The following PCDHGA7 variants were observed in gnomAD, a reference collection of about 807,000 sequenced individuals.
PCDHGA7 encodes protocadherin gamma-A7.
In PCDHGA7, 44 loss-of-function variants were observed where a neutral mutation model predicts 58.3. The observed-to-expected ratio is 0.75, with a 90% CI of 0.59 to 0.97. The LOEUF is 0.97. PCDHGA7 is among the 50% of genes least tolerant of loss of function. The pLI is 0.00. For missense variants in PCDHGA7, 1,266 were observed against 1,188.7 expected (o/e 1.06, Z -0.96); for synonymous variants, 516 against 504.2 (o/e 1.02, Z -0.31).
intron 1 of PCDHGA7, chr5:141,408,721 C>T (rs994778084): frequency 6.2e-7 from 1 of 1,611,372 alleles, no homozygotes; most frequent in Non-Finnish European, 8.5e-7. Flanking sequence ...ATAAGATAAA[C>T]TCTAATCCTT....
chr5:141,499,565 C>CTTATCTTGT (rs2099792732), intron 2 of PCDHGA7, among the ~76,000 whole-genome samples: 2 of 152,168 alleles, frequency 1.3e-5, no homozygotes, highest in Non-Finnish European at 2.9e-5. Flanking sequence ...CACTATCCAG[C>CTTATCTTGT]TTCAACTAAT....
chr5:141,471,404 TTA>T (rs1320685792), intron 1 of PCDHGA7: 3 of 152,170 alleles, frequency 2.0e-5, no homozygotes, highest in Non-Finnish European at 4.4e-5. Flanking sequence ...GTAGCTAGGC[TTA>T]GTTATGTTTT....
chr5:141,390,354 A>C (rs1031121162), intron 1 of PCDHGA7: 21 of 1,553,066 alleles, frequency 1.4e-5, no homozygotes, highest in Non-Finnish European at 1.6e-5. Context: ...AAATATACAT[A>C]TTTGCAGGAA....
At chr5:141,419,939 G>GTGGCCT (rs780963377) in intron 1 of PCDHGA7, 3 of 1,614,054 alleles carry the variant, frequency 1.9e-6, no homozygotes, top group Admixed American at 1.7e-5. Flanking sequence ...TTACCTGGTG[G>GTGGCCT]TGGCCTTGGC....
rs1052219950 is a variant in PCDHGA7, at chr5:141,476,865, G to A, written c.2425-17942G>A. The A allele has an allele frequency of 1.2e-6, 2 of 1,613,752 alleles. No individual in the cohort carries two copies. Among genetic ancestry groups the A allele is most frequent in the African/African-American group, 1.3e-5 (1 of 74,958 alleles). On this transcript the variant is annotated intron_variant, in intron 1 of 3. Coordinates refer to ENST00000518325, the MANE Select transcript of PCDHGA7 (RefSeq NM_018920.4). This position sits in a 1 kb window ranked among gnomAD's most constrained non-coding sequence, Gnocchi z 7.6. ...CCTGTCTTCAACCAGTCCTTGTACC[G>A]GGCGCGCGTCCTGGAGGATGCACCC...
chr5:141,389,346 T>G (rs779015878), intron 1 of PCDHGA7: 1 of 1,613,984 alleles, frequency 6.2e-7, no homozygotes. Flanking sequence ...AGTCTCTTAC[T>G]GCATCATGGC....
chr5:141,399,259 G>A, intron 1 of PCDHGA7: 1 of 1,613,874 alleles, frequency 6.2e-7, no homozygotes, highest in Non-Finnish European at 8.5e-7. Context: ...AAATGGGGAG[G>A]TTAATTGTCA....
rs1449032006 is a variant in PCDHGA7 at position 141,438,617 on chromosome 5, TATATATATATATATATATAC to T, written c.2424+53296_2424+53315del. 2.9e-3 allele frequency among the ~76,000 whole-genome samples: 107 copies of T among 37,156 alleles called. 1 individual carries two copies. Among genetic ancestry groups the T allele is most frequent in the South Asian group, 0.015 (15 of 996 alleles). 24.4% of individuals were successfully genotyped at this position (37,156 alleles called of 152,430 possible). On this transcript the variant is annotated intron_variant, in intron 1 of 3. Transcript: ENST00000518325. Reference sequence around the variant, plus strand: ...ATATATATATATATATATATATATATATATATATATATATATATACACACACACACACACATATATGTATA... The same window carrying T: ...ATATATATATATATATATATATATATACACACACACACACATATATGTATA...
intron 1 of PCDHGA7, among the ~76,000 whole-genome samples, chr5:141,482,356 G>A (rs1330274684): frequency 6.6e-6 from 1 of 152,118 alleles, no homozygotes; most frequent in Non-Finnish European, 1.5e-5. Flanking sequence ...TGTTGTGAGA[G>A]TGAAAAGTAA....
At chr5:141,480,652 A>C (rs1488188393) in intron 1 of PCDHGA7, among the ~76,000 whole-genome samples, 4 of 152,220 alleles carry the variant, frequency 2.6e-5, no homozygotes, top group Non-Finnish European at 5.9e-5. Context: ...TTGGTTGCAC[A>C]TTAAAATCAC....
chr5:141,431,709 T>C lies in PCDHGA7; in HGVS notation c.2424+46386T>C. On this transcript the variant is annotated intron_variant, in intron 1 of 3. Coordinates refer to ENST00000518325, the MANE Select transcript of PCDHGA7 (RefSeq NM_018920.4). This position sits in a 1 kb window ranked among gnomAD's most constrained non-coding sequence, Gnocchi z 4.8. ...CACGAGGAGTCAGGATTCTACCAGA[T>C]GGAAGTGCAAGCAATGGATAATGCA... The C allele has an allele frequency of 6.2e-7, 1 of 1,614,168 alleles. No individual in the cohort carries two copies. Among genetic ancestry groups the C allele is most frequent in the Non-Finnish European group, 8.5e-7 (1 of 1,180,018 alleles).
intron 1 of PCDHGA7, among the ~76,000 whole-genome samples, chr5:141,464,077 C>T (rs891173261): frequency 1.3e-5 from 2 of 151,950 alleles, no homozygotes; most frequent in African/African-American, 4.8e-5. Context: ...CCAGCCTGGC[C>T]AACATGGTGA....
Position 141,383,712 on chromosome 5 carries a change from G to A in PCDHGA7, c.813G>A (p.Glu271=), listed in dbSNP as rs895145051. 2 of 1,613,970 alleles carry A rather than the reference G, an allele frequency of 1.2e-6. No individual in the cohort carries two copies. The highest frequency in any genetic ancestry group is 2.7e-5 in the African/African-American group (2 of 75,056). ...CGGTACATGCTATCGACCTGGACGA[G>A]GGAGTCAATGGGGAAGTGACATATT... ...LLTVHAIDLD[E]GVNGEVTYSF... The change falls in exon 1 of 4, where the codon GAG becomes GAA. Residue 271 remains glutamate (E), a synonymous_variant. Coordinates refer to ENST00000518325, the MANE Select transcript of PCDHGA7 (RefSeq NM_018920.4).
chr5:141,421,736 G>A lies in PCDHGA7; in HGVS notation c.2424+36413G>A, dbSNP rs767237323. 5.3e-5 allele frequency: 86 copies of A among 1,613,810 alleles called. No individual in the cohort carries two copies. The highest frequency in any genetic ancestry group is 6.9e-5 in the Non-Finnish European group (82 of 1,179,858). Reference sequence around the variant, plus strand: ...GATGTGGGCGTGAACTCCCTCCAGAGCTACCAGCTCAGCCCTAATAATTAC... The same window carrying A: ...GATGTGGGCGTGAACTCCCTCCAGAACTACCAGCTCAGCCCTAATAATTAC... On this transcript the variant is annotated intron_variant, in intron 1 of 3. Transcript: ENST00000518325.
chr5:141,426,642 G>T, intron 1 of PCDHGA7: 1 of 411,420 alleles, frequency 2.4e-6, no homozygotes, highest in South Asian at 1.7e-5. Context: ...TCACATAAAT[G>T]TGATGATAGA....
At chr5:141,390,324 A>G in intron 1 of PCDHGA7, 2 of 1,605,484 alleles carry the variant, frequency 1.2e-6, no homozygotes, top group East Asian at 4.5e-5. Flanking sequence ...TTGCCTACCC[A>G]TTTCTCCATA....
In PCDHGA7 at chr5:141,487,568, C is replaced by T. The variant is rs752378906; in HGVS notation, c.2425-7239C>T. Reference sequence around the variant, plus strand: ...ACCCAGTGCACCTATGGCAGGGGAGCCTGTTCGCCCAAGCTGCCCACCCTC... The same window carrying T: ...ACCCAGTGCACCTATGGCAGGGGAGTCTGTTCGCCCAAGCTGCCCACCCTC... On this transcript the variant is annotated intron_variant, in intron 1 of 3. Transcript: ENST00000518325. This position sits in a 1 kb window ranked among gnomAD's most constrained non-coding sequence, Gnocchi z 5.0. The T allele has an allele frequency of 1.2e-6, 2 of 1,614,180 alleles. No individual in the cohort carries two copies. The highest frequency in any genetic ancestry group is 1.7e-6 in the Non-Finnish European group (2 of 1,180,042).
At chr5:141,418,726 G>C (rs1399333996) in intron 1 of PCDHGA7, 1 of 1,613,986 alleles carries the variant, frequency 6.2e-7, no homozygotes, top group Non-Finnish European at 8.5e-7. Flanking sequence ...ACAAAGCTCA[G>C]CACGTGTTCT....
intron 1 of PCDHGA7, chr5:141,394,889 T>C: frequency 6.2e-7 from 1 of 1,613,858 alleles, no homozygotes; most frequent in Non-Finnish European, 8.5e-7. Context: ...TTACACTCTA[T>C]CTCGTGGTGG....
Sources: gnomAD v4.1 joint callset for allele counts (sites outside exome capture counted in the v4.1 genomes callset) on GRCh38, gnomAD v4.1.1 for gene constraint, Gnocchi (gnomAD v3.1) non-coding constraint, MANE v1.5 for transcripts, NCBI Gene and HGNC (gene_info 2026-07-23, HGNC 2026-07-21) for gene names.